FSTL5: variants seen among roughly 807,000 people sequenced by gnomAD.
FSTL5 encodes follistatin-related protein 5.
In FSTL5, 62 loss-of-function variants were observed where a neutral mutation model predicts 89.1. The ratio of observed to expected loss-of-function variants is 0.70; its 90% CI spans 0.57 to 0.86. FSTL5 has a LOEUF of 0.86. FSTL5 is among the 40% of genes least tolerant of loss of function. FSTL5 has a pLI of 0.00. For missense variants in FSTL5, 1,057 were observed against 1,001.6 expected, an observed-to-expected ratio of 1.06 and a Z score of -0.75; for synonymous variants, 383 against 346.2, an observed-to-expected ratio of 1.11 and a Z score of -1.18.
intron 3 of FSTL5, among the ~76,000 whole-genome samples, chr4:161,934,368 A>G (rs574313810): frequency 2.1e-4 from 32 of 152,254 alleles, no homozygotes; most frequent in Admixed American, 5.9e-4. Flanking sequence ...AGGTGAAGAC[A>G]TGAGTTAATG....
At chr4:161,859,645 A>G (rs185946902) in intron 4 of FSTL5, among the ~76,000 whole-genome samples, 1 of 152,316 alleles carries the variant, frequency 6.6e-6, no homozygotes, top group Admixed American at 6.5e-5. Flanking sequence ...TAACTGCTGG[A>G]AAAAAATAAT....
rs1561049837 is a variant in FSTL5, at chr4:162,154,788, A to G, written c.-17+8827T>C. Among the ~76,000 whole-genome samples, 3 of 152,150 alleles carry G rather than the reference A, an allele frequency of 2.0e-5. No individual in the cohort carries two copies. The South Asian group carries it at 6.3e-4, about 32-fold the overall frequency. On this transcript the variant is annotated intron_variant, in intron 1 of 15. Transcript: ENST00000306100. ...TGTGGATCAATTAATTTATATATAT[A>G]TGAAGTAATTGTAAACTATGCAGGT... is the stretch of plus-strand genomic sequence containing the variant.
rs192994311 is a variant in FSTL5, at chr4:161,832,605, T to A, written c.410-56531A>T. On this transcript the variant is annotated intron_variant, in intron 4 of 15. Coordinates refer to ENST00000306100, the MANE Select transcript of FSTL5 (RefSeq NM_020116.5). ...TAGTCAACTTCTTCCTGGTTTAGTC[T>A]TGGGAGGGTGTATGTGTCGAGGAAT... Among the ~76,000 whole-genome samples, 10 of 152,296 alleles carry A rather than the reference T, an allele frequency of 6.6e-5. No individual in the cohort carries two copies. The East Asian group carries it at 1.7e-3, about 26-fold the overall frequency.
chr4:161,438,329 AT>A (rs201939029), intron 15 of FSTL5, among the ~76,000 whole-genome samples: 9 of 150,434 alleles, frequency 6.0e-5, no homozygotes, highest in South Asian at 2.1e-4. Flanking sequence ...TCTTCTTACT[AT>A]TTTTTTTTCT....
intron 2 of FSTL5, among the ~76,000 whole-genome samples, chr4:162,074,689 T>C (rs1729765133): frequency 4.0e-5 from 6 of 151,836 alleles, no homozygotes; most frequent in African/African-American, 1.4e-4. Context: ...ATATGATGTT[T>C]TGATATATGT....
chr4:161,724,146 A>T (rs1376638079), intron 6 of FSTL5, among the ~76,000 whole-genome samples: 1 of 152,158 alleles, frequency 6.6e-6, no homozygotes, highest in Non-Finnish European at 1.5e-5. Context: ...AAATCAAATA[A>T]ATAATGTTGA....
chr4:161,390,946 T>C (rs1730802252), intron 15 of FSTL5, among the ~76,000 whole-genome samples: 1 of 152,088 alleles, frequency 6.6e-6, no homozygotes, highest in African/African-American at 2.4e-5. Flanking sequence ...CATTCCTGCA[T>C]GATCTTACTC....
chr4:161,778,050 C>T (rs1741482791), intron 4 of FSTL5, among the ~76,000 whole-genome samples: 1 of 151,872 alleles, frequency 6.6e-6, no homozygotes, highest in African/African-American at 2.4e-5. Context: ...GCCAATATTG[C>T]ACCACTGCAC....
chr4:161,463,355 C>A (rs536510406), intron 13 of FSTL5, among the ~76,000 whole-genome samples: 2 of 152,088 alleles, frequency 1.3e-5, no homozygotes, highest in South Asian at 2.1e-4. Context: ...ATATAACATA[C>A]TTTATTTGGA....
chr4:161,503,796 T>G (rs1473546907), intron 11 of FSTL5, among the ~76,000 whole-genome samples: 1 of 152,062 alleles, frequency 6.6e-6, no homozygotes, highest in Non-Finnish European at 1.5e-5. Context: ...CCAAAAAACT[T>G]TCTAGCAAGA....
At chr4:161,953,836 A>T (rs143188055) in intron 3 of FSTL5, among the ~76,000 whole-genome samples, 1 of 151,780 alleles carries the variant, frequency 6.6e-6, no homozygotes, top group East Asian at 1.9e-4. Context: ...TATAATTATA[A>T]GTTAGATAAC....
At chr4:161,648,703 A>G (rs998790605) in intron 7 of FSTL5, among the ~76,000 whole-genome samples, 2 of 152,052 alleles carry the variant, frequency 1.3e-5, no homozygotes, top group Non-Finnish European at 2.9e-5. Flanking sequence ...AACTCTGAAT[A>G]CAAAATTGCT....
intron 15 of FSTL5, 74 bp from the exon 16 acceptor site, chr4:161,386,523 G>C: frequency 9.8e-7 from 1 of 1,015,842 alleles, no homozygotes; most frequent in East Asian, 2.6e-5. Context: ...CTAGATACAG[G>C]TGGAAAGGTC....
At chr4:161,974,810 C>A (rs1358446387) in intron 3 of FSTL5, among the ~76,000 whole-genome samples, 1 of 149,060 alleles carries the variant, frequency 6.7e-6, no homozygotes, top group Admixed American at 6.7e-5. Flanking sequence ...TCAGAGTGAA[C>A]AGGCAACCTA....
chr4:162,083,442 CTCTT>C lies in FSTL5; in HGVS notation c.126+27825_126+27828del, dbSNP rs989461542. On this transcript the variant is annotated intron_variant, in intron 2 of 15. Transcript: ENST00000306100. ...AACTTTAGGGTGTAAAATATTGACT[CTCTT>C]TAAGAACACAGAGTTTAGGGTTAGA... Among the ~76,000 whole-genome samples, 47 of 151,588 alleles carry C rather than the reference CTCTT, an allele frequency of 3.1e-4. 1 individual carries two copies. The highest frequency in any genetic ancestry group is 1.1e-3 in the African/African-American group (47 of 41,380).
intron 4 of FSTL5, among the ~76,000 whole-genome samples, chr4:161,860,457 G>GT (rs1232505683): frequency 6.6e-6 from 1 of 152,166 alleles, no homozygotes. Context: ...GAATTCAAAG[G>GT]TAATAGGTCA....
chr4:161,418,405 C>T (rs1002066810), intron 15 of FSTL5, among the ~76,000 whole-genome samples: 10 of 152,130 alleles, frequency 6.6e-5, no homozygotes, highest in African/African-American at 1.4e-4. Flanking sequence ...AAGCACTCAG[C>T]GAGCCCACCT....
chr4:161,804,340 T>A (rs1314296648), intron 4 of FSTL5, among the ~76,000 whole-genome samples: 1 of 152,040 alleles, frequency 6.6e-6, no homozygotes, highest in Non-Finnish European at 1.5e-5. Context: ...AGGACATCTT[T>A]GGGAGTCAGG....
intron 2 of FSTL5, among the ~76,000 whole-genome samples, chr4:162,068,789 T>C (rs568533091): frequency 1.4e-4 from 22 of 151,924 alleles, no homozygotes; most frequent in African/African-American, 5.3e-4. Flanking sequence ...TTGCAATCTA[T>C]CCATCGGACA....
Sources: allele counts gnomAD v4.1 joint callset (sites outside exome capture counted in the v4.1 genomes callset), GRCh38; gene constraint gnomAD v4.1.1; transcripts MANE v1.5; gene names NCBI Gene and HGNC (gene_info 2026-07-23, HGNC 2026-07-21).